Variants in CA10 observed in about 807,000 individuals in gnomAD.
CA10 encodes carbonic anhydrase 10 (inactive).
CA10 carries 14 observed loss-of-function variants against 44.2 expected under a neutral mutation model. The observed-to-expected ratio is 0.32, with a 90% confidence interval of 0.21 to 0.50. The LOEUF (loss-of-function observed/expected upper bound fraction) is 0.50. Among genes scored for constraint, CA10 ranks in the 20% least tolerant of loss-of-function variants. The pLI, the probability that CA10 is intolerant of heterozygous loss-of-function variation, is 0.99. For missense variants in CA10, 350 were observed against 409.7 expected (o/e 0.85, Z 1.26); for synonymous variants, 159 against 141.6 (o/e 1.12, Z -0.87).
intron 2 of CA10, among the ~76,000 whole-genome samples, chr17:51,944,166 C>G (rs1430059081): frequency 6.6e-6 from 1 of 152,126 alleles, no homozygotes; most frequent in African/African-American, 2.4e-5. Context: ...TTCCCAATTC[C>G]CACATTTTAA....
At position 51,894,725 on chromosome 17, in the gene CA10, A is replaced by G. The variant is rs532432391; in HGVS notation, c.279+36265T>C. Among the ~76,000 whole-genome samples, 4 of 152,256 alleles carry G rather than the reference A, an allele frequency of 2.6e-5. No individual in the cohort carries two copies. The South Asian group carries it at 8.3e-4, about 32-fold the overall frequency. ...GACCTCTAAAAAATTAAAATAATGA[A>G]TTTGTGTTGTTTGTAGTCACTAAGT... On this transcript the variant is annotated intron_variant, in intron 3 of 8. Transcript: ENST00000451037.
At chr17:51,680,155 G>A (rs1477925439) in intron 4 of CA10, among the ~76,000 whole-genome samples, 3 of 152,160 alleles carry the variant, frequency 2.0e-5, no homozygotes, top group Non-Finnish European at 4.4e-5. Context: ...AAGAGAGAGG[G>A]AAAGATCATT....
intron 2 of CA10, among the ~76,000 whole-genome samples, chr17:51,940,102 T>A (rs1018813287): frequency 6.6e-6 from 1 of 152,086 alleles, no homozygotes; most frequent in Non-Finnish European, 1.5e-5. Flanking sequence ...GGTCTAATAT[T>A]TTTTCCCTGA....
chr17:51,756,617 C>T (rs1905088885), intron 3 of CA10, among the ~76,000 whole-genome samples: 1 of 151,864 alleles, frequency 6.6e-6, no homozygotes, highest in African/African-American at 2.4e-5. Context: ...CTACAGGCGC[C>T]CGCCACCATG....
chr17:51,994,052 G>A (rs1158416918), intron 2 of CA10, among the ~76,000 whole-genome samples: 2 of 151,942 alleles, frequency 1.3e-5, no homozygotes, highest in South Asian at 2.1e-4. Context: ...TGGGCAGAAG[G>A]GAGAATGACT....
At chr17:52,085,807 T>A (rs1988102411) in intron 1 of CA10, among the ~76,000 whole-genome samples, 1 of 152,218 alleles carries the variant, frequency 6.6e-6, no homozygotes, top group Non-Finnish European at 1.5e-5. Flanking sequence ...CAGACTGAAC[T>A]ATCTGCTCTT....
At chr17:52,005,194 T>G (rs1985556101) in intron 2 of CA10, among the ~76,000 whole-genome samples, 1 of 151,932 alleles carries the variant, frequency 6.6e-6, no homozygotes, top group Non-Finnish European at 1.5e-5. Flanking sequence ...TTTAGGACCT[T>G]AATGATTCTA....
At chr17:51,635,501 G>A (rs902194009) in intron 7 of CA10, among the ~76,000 whole-genome samples, 2 of 151,498 alleles carry the variant, frequency 1.3e-5, no homozygotes, top group African/African-American at 2.4e-5. Flanking sequence ...TGACAAGAGC[G>A]AGACTCCATC....
chr17:51,915,714 G>A (rs1367994472), intron 3 of CA10, among the ~76,000 whole-genome samples: 1 of 152,028 alleles, frequency 6.6e-6, no homozygotes, highest in African/African-American at 2.4e-5. Flanking sequence ...TCAGTATACA[G>A]ATGACATTGA....
chr17:52,103,322 G>A (rs954203777), intron 1 of CA10, among the ~76,000 whole-genome samples: 6 of 152,164 alleles, frequency 3.9e-5, no homozygotes, highest in Non-Finnish European at 8.8e-5. Context: ...ACTTGCTCCA[G>A]GATCAACTCC....
chr17:52,081,608 G>A (rs1219098686), intron 1 of CA10, among the ~76,000 whole-genome samples: 3 of 152,056 alleles, frequency 2.0e-5, no homozygotes, highest in Non-Finnish European at 2.9e-5. Flanking sequence ...AGACCATCCC[G>A]GCTAAAACGG....
chr17:51,703,860 C>T (rs767403573), intron 4 of CA10, among the ~76,000 whole-genome samples: 8 of 152,172 alleles, frequency 5.3e-5, no homozygotes, highest in South Asian at 2.1e-4. Flanking sequence ...TAACCGGTCC[C>T]GGGCTGCTTG....
chr17:51,734,864 T>A (rs1005038776), intron 4 of CA10, among the ~76,000 whole-genome samples: 3 of 151,134 alleles, frequency 2.0e-5, no homozygotes, highest in Non-Finnish European at 4.4e-5. Context: ...GGATGGGGAG[T>A]CCAAGATCAA....
At chr17:52,019,801 T>C (rs998360572) in intron 2 of CA10, among the ~76,000 whole-genome samples, 1 of 152,062 alleles carries the variant, frequency 6.6e-6, no homozygotes, top group Non-Finnish European at 1.5e-5. Flanking sequence ...ATGGGTTATT[T>C]AGAAATACGT....
At chr17:51,727,897 A>T (rs565954412) in intron 4 of CA10, among the ~76,000 whole-genome samples, 93 of 152,118 alleles carry the variant, frequency 6.1e-4, no homozygotes, top group Non-Finnish European at 1.1e-3. Context: ...ACTTAAAAAA[A>T]TTTTTTTAAG....
At chr17:51,736,725 A>C (rs1264065060) in intron 4 of CA10, among the ~76,000 whole-genome samples, 1 of 152,216 alleles carries the variant, frequency 6.6e-6, no homozygotes, top group African/African-American at 2.4e-5. Flanking sequence ...TTTATACACA[A>C]ATTTACACAC....
In CA10 at chr17:52,031,920, T is replaced by C. The variant is rs1296423352; in HGVS notation, c.136+40399A>G. Reference sequence around the variant, plus strand: ...TACCGTGACCACATATTTAGGGCAATACAGAATTTTAACAGAGGGACCAAA... The same window carrying C: ...TACCGTGACCACATATTTAGGGCAACACAGAATTTTAACAGAGGGACCAAA... On this transcript the variant is annotated intron_variant, in intron 2 of 8. Transcript: ENST00000451037. Among the ~76,000 whole-genome samples, 5 of 152,132 alleles carry C rather than the reference T, an allele frequency of 3.3e-5. No homozygotes were observed. The East Asian group carries it at 7.7e-4, about 24-fold the overall frequency.
intron 1 of CA10, among the ~76,000 whole-genome samples, chr17:52,076,005 A>C (rs1418820869): frequency 6.6e-6 from 1 of 152,210 alleles, no homozygotes; most frequent in Non-Finnish European, 1.5e-5. Context: ...TAAAGCAGTA[A>C]GGAAAAAAGA....
intron 6 of CA10, among the ~76,000 whole-genome samples, chr17:51,643,912 C>G (rs1247233889): frequency 6.6e-6 from 1 of 152,188 alleles, no homozygotes; most frequent in Non-Finnish European, 1.5e-5. Flanking sequence ...ATATCTTCCT[C>G]TTACAGATCG....
Sources: allele counts gnomAD v4.1 joint callset (sites outside exome capture counted in the v4.1 genomes callset), GRCh38; gene constraint gnomAD v4.1.1; transcripts MANE v1.5; gene names NCBI Gene and HGNC (gene_info 2026-07-23, HGNC 2026-07-21).